Variants in SLC25A21 observed in about 807,000 individuals in gnomAD.
SLC25A21 encodes the protein solute carrier family 25 member 21.
Under a neutral mutation model 43.8 loss-of-function variants are expected in SLC25A21, and 47 were observed. That is an observed-to-expected ratio of 1.07 (90% confidence interval 0.85 to 1.37). The LOEUF (loss-of-function observed/expected upper bound fraction) is 1.37, where lower values mean the gene tolerates loss of function less well. SLC25A21 is among the 40% of genes most tolerant of loss of function. The probability of loss-of-function intolerance (pLI) is 0.00; values close to 1 mark genes in which losing one functional copy is unlikely to be tolerated. For synonymous variants in SLC25A21, 131 were observed against 121.3 expected, an observed-to-expected ratio of 1.08 and a Z score of -0.52; for missense variants, 352 against 350.2, an observed-to-expected ratio of 1.00 and a Z score of -0.04.
chr14:36,680,373 T>TTTA lies in SLC25A21; in HGVS notation c.*282_*284dup, dbSNP rs1258536372. On this transcript the variant is annotated 3_prime_UTR_variant, in exon 10 of 10. Coordinates refer to ENST00000331299, the MANE Select transcript of SLC25A21 (RefSeq NM_030631.4). Reference sequence around the variant, plus strand: ...AGGAACACAGGAGACAAAGTTTCTATTTATTTTATGAAATAAATATATGAT... The same window carrying TTTA: ...AGGAACACAGGAGACAAAGTTTCTATTTATTATTTTATGAAATAAATATATGAT... 9.6e-7 allele frequency: 1 copy of TTTA among 1,046,584 alleles called. No homozygotes were observed. Among genetic ancestry groups the TTTA allele is most frequent in the Non-Finnish European group, 1.2e-6 (1 of 867,930 alleles). 64.8% of individuals were successfully genotyped at this position (1,046,584 alleles called of 1,614,324 possible).
intron 3 of SLC25A21, among the ~76,000 whole-genome samples, chr14:36,811,666 A>C (rs1173380893): frequency 6.6e-6 from 1 of 152,118 alleles, no homozygotes; most frequent in Admixed American, 6.6e-5. Flanking sequence ...AAAACCCCCA[A>C]AGCAAAACAA....
chr14:37,157,912 C>T (rs1198846592), intron 1 of SLC25A21, among the ~76,000 whole-genome samples: 1 of 152,082 alleles, frequency 6.6e-6, no homozygotes, highest in Non-Finnish European at 1.5e-5. Flanking sequence ...AACATTACAA[C>T]TGATACAACA....
chr14:36,793,029 A>G (rs764958545), intron 3 of SLC25A21, among the ~76,000 whole-genome samples: 6 of 152,168 alleles, frequency 3.9e-5, no homozygotes, highest in Non-Finnish European at 7.3e-5. Flanking sequence ...ACCCTCTGAA[A>G]TGGCGTCTTA....
At chr14:36,865,079 G>A (rs1005267210) in intron 2 of SLC25A21, among the ~76,000 whole-genome samples, 1 of 148,888 alleles carries the variant, frequency 6.7e-6, no homozygotes, top group African/African-American at 2.5e-5. Context: ...TTCATTCCGT[G>A]TTTCCACCCT....
intron 1 of SLC25A21, among the ~76,000 whole-genome samples, chr14:36,898,155 G>A (rs2138593436): frequency 6.6e-6 from 1 of 152,296 alleles, no homozygotes; most frequent in African/African-American, 2.4e-5. Flanking sequence ...AGGCAGGCAG[G>A]CCTCCTTGAG....
intron 3 of SLC25A21, among the ~76,000 whole-genome samples, chr14:36,797,351 G>A (rs1317968969): frequency 6.6e-6 from 1 of 152,030 alleles, no homozygotes; most frequent in Non-Finnish European, 1.5e-5. Context: ...GTGGCTGAAG[G>A]CAAAAGAGAA....
At chr14:36,924,226 T>C (rs567826713) in intron 1 of SLC25A21, among the ~76,000 whole-genome samples, 5 of 152,166 alleles carry the variant, frequency 3.3e-5, no homozygotes, top group South Asian at 2.1e-4. Context: ...CACATGCACA[T>C]GTATGTTTAT....
chr14:36,959,852 T>C (rs961545130), intron 1 of SLC25A21, among the ~76,000 whole-genome samples: 3 of 152,196 alleles, frequency 2.0e-5, no homozygotes, highest in African/African-American at 7.2e-5. Flanking sequence ...AGACAGAATA[T>C]TGAAATAAGG....
At chr14:36,885,160 A>T (rs531174208) in intron 1 of SLC25A21, among the ~76,000 whole-genome samples, 59 of 152,328 alleles carry the variant, frequency 3.9e-4, no homozygotes, top group African/African-American at 1.4e-3. Flanking sequence ...GATAAGGATC[A>T]AATTTCACTG....
chr14:36,702,734 G>A (rs1487178810), intron 7 of SLC25A21, among the ~76,000 whole-genome samples: 1 of 152,076 alleles, frequency 6.6e-6, no homozygotes, highest in African/African-American at 2.4e-5. Flanking sequence ...CTTCCTAAGA[G>A]GGTGCCCAAC....
At chr14:36,857,979 A>C (rs1889952561) in intron 2 of SLC25A21, among the ~76,000 whole-genome samples, 1 of 152,236 alleles carries the variant, frequency 6.6e-6, no homozygotes, top group South Asian at 2.1e-4. Flanking sequence ...TAAAATGTGA[A>C]TGTGAGTTTC....
chr14:37,135,473 C>A (rs555245060), intron 1 of SLC25A21, among the ~76,000 whole-genome samples: 3 of 152,160 alleles, frequency 2.0e-5, no homozygotes, highest in Non-Finnish European at 4.4e-5. Flanking sequence ...AAGATCCCCC[C>A]ACCCTCGGCC....
chr14:36,948,101 C>T (rs1163256449), intron 1 of SLC25A21, among the ~76,000 whole-genome samples: 1 of 152,116 alleles, frequency 6.6e-6, no homozygotes, highest in Non-Finnish European at 1.5e-5. Flanking sequence ...GTTTAGAAAT[C>T]CTAGTTCTTA....
intron 1 of SLC25A21, among the ~76,000 whole-genome samples, chr14:36,906,883 T>C (rs777772942): frequency 7.9e-5 from 12 of 152,100 alleles, no homozygotes; most frequent in South Asian, 2.1e-4. Flanking sequence ...ATCTCCAGCA[T>C]AGACAAAAGA....
chr14:36,699,181 G>A (rs184962771), intron 7 of SLC25A21, among the ~76,000 whole-genome samples: 6 of 151,776 alleles, frequency 4.0e-5, no homozygotes, highest in Admixed American at 2.0e-4. Flanking sequence ...CTAACAGTCA[G>A]GTCCCTCAGC....
chr14:36,849,892 G>GTTAA (rs770451427), intron 2 of SLC25A21, among the ~76,000 whole-genome samples: 64 of 152,214 alleles, frequency 4.2e-4, no homozygotes, highest in East Asian at 9.7e-4. Context: ...TTAACTCACT[G>GTTAA]TTAATTAATT....
At chr14:36,729,391 A>G (rs996280877) in intron 5 of SLC25A21, 116 bp downstream of exon 5, 22 of 794,238 alleles carry the variant, frequency 2.8e-5, no homozygotes, top group Non-Finnish European at 4.2e-5. Flanking sequence ...CTGAACACTG[A>G]ATAACTCGAA....
chr14:36,691,883 A>G (rs1444935534), intron 7 of SLC25A21, among the ~76,000 whole-genome samples: 2 of 152,234 alleles, frequency 1.3e-5, no homozygotes, highest in African/African-American at 4.8e-5. Context: ...GGAGCTGAGT[A>G]GTCTGAAATA....
intron 1 of SLC25A21, among the ~76,000 whole-genome samples, chr14:36,916,027 A>G (rs1204192818): frequency 2.0e-5 from 3 of 152,224 alleles, no homozygotes; most frequent in East Asian, 1.9e-4. Flanking sequence ...CTGTGAAACA[A>G]CCATGGAAGT....
Sources: allele counts gnomAD v4.1 joint callset (sites outside exome capture counted in the v4.1 genomes callset), GRCh38; gene constraint gnomAD v4.1.1; transcripts MANE v1.5; gene names NCBI Gene and HGNC (gene_info 2026-07-23, HGNC 2026-07-21).